Variants in CCSER1 observed in about 807,000 individuals in gnomAD.
CCSER1 encodes the protein serine-rich coiled-coil domain-containing protein 1.
In CCSER1, 41 loss-of-function variants were observed where a neutral mutation model predicts 82.0. That is an observed-to-expected ratio of 0.50 (90% CI 0.39 to 0.65). The LOEUF (loss-of-function observed/expected upper bound fraction) is 0.65. Ranked by LOEUF, CCSER1 falls within the 30% of genes least tolerant of loss-of-function variation. The pLI is 0.00. For synonymous variants in CCSER1, 414 were observed against 383.9 expected (o/e 1.08, Z -0.92); for missense variants, 1,119 against 1,064.2 (o/e 1.05, Z -0.72).
At chr4:90,444,006 G>A (rs948168043) in intron 4 of CCSER1, among the ~76,000 whole-genome samples, 3 of 151,946 alleles carry the variant, frequency 2.0e-5, no homozygotes, top group African/African-American at 7.2e-5. Flanking sequence ...ATTATGTAGG[G>A]TGTAGAATTT....
intron 7 of CCSER1, among the ~76,000 whole-genome samples, chr4:90,770,216 G>T (rs1751863695): frequency 6.6e-6 from 1 of 152,158 alleles, no homozygotes; most frequent in African/African-American, 2.4e-5. Context: ...ACAACCAGAA[G>T]AGACCTTTAG....
chr4:90,207,051 C>T (rs1738992336), intron 1 of CCSER1, among the ~76,000 whole-genome samples: 2 of 151,708 alleles, frequency 1.3e-5, no homozygotes, highest in Non-Finnish European at 2.9e-5. Flanking sequence ...ATTATTCCTC[C>T]ATCCCTTTAT....
At chr4:90,771,561 G>A (rs1667243238) in intron 7 of CCSER1, among the ~76,000 whole-genome samples, 2 of 122,082 alleles carry the variant, frequency 1.6e-5, no homozygotes, top group East Asian at 2.4e-4. Flanking sequence ...AAAATGCCGG[G>A]CACTAAAAAA....
At chr4:90,158,490 A>G (rs1018651192) in intron 1 of CCSER1, among the ~76,000 whole-genome samples, 7 of 152,326 alleles carry the variant, frequency 4.6e-5, no homozygotes, top group African/African-American at 1.4e-4. Context: ...GGTGGAGCCT[A>G]CAGAGGCAGG....
At chr4:90,631,519 T>A (rs1443226532) in intron 6 of CCSER1, among the ~76,000 whole-genome samples, 1 of 152,182 alleles carries the variant, frequency 6.6e-6, no homozygotes, top group Non-Finnish European at 1.5e-5. Flanking sequence ...AATAGTGAGA[T>A]CACAGAAAAT....
intron 3 of CCSER1, among the ~76,000 whole-genome samples, chr4:90,394,314 A>G (rs1190080990): frequency 6.6e-6 from 1 of 152,098 alleles, no homozygotes; most frequent in East Asian, 1.9e-4. Context: ...ATTCATTGTC[A>G]TATCCCTAGA....
intron 10 of CCSER1, among the ~76,000 whole-genome samples, chr4:91,464,627 C>T (rs1414355582): frequency 1.1e-4 from 16 of 152,232 alleles, no homozygotes; most frequent in East Asian, 1.9e-4. Context: ...TGCAGAGACA[C>T]GCATAGGCTC....
intron 5 of CCSER1, among the ~76,000 whole-genome samples, chr4:90,516,914 A>G (rs1396649030): frequency 6.6e-6 from 1 of 152,172 alleles, no homozygotes; most frequent in Non-Finnish European, 1.5e-5. Context: ...TGTAGAGGCA[A>G]TTGCACAAAT....
At chr4:90,790,053 T>G (rs991616101) in intron 7 of CCSER1, among the ~76,000 whole-genome samples, 2 of 152,200 alleles carry the variant, frequency 1.3e-5, no homozygotes, top group African/African-American at 2.4e-5. Flanking sequence ...TTTGCCTCTC[T>G]CTACTCCACC....
intron 8 of CCSER1, chr4:90,838,764 T>C: frequency 8.5e-7 from 1 of 1,183,214 alleles, no homozygotes; most frequent in Middle Eastern, 2.9e-4. Context: ...TCAGTAGTTC[T>C]TTGATGTGAA....
chr4:91,035,676 A>C (rs996074909), intron 9 of CCSER1, among the ~76,000 whole-genome samples: 22 of 152,170 alleles, frequency 1.4e-4, no homozygotes, highest in Non-Finnish European at 2.4e-4. Flanking sequence ...AAATCAAAAC[A>C]AAAAAGCAAA....
intron 6 of CCSER1, among the ~76,000 whole-genome samples, chr4:90,659,562 G>A (rs916785408): frequency 9.9e-5 from 15 of 151,840 alleles, no homozygotes; most frequent in African/African-American, 1.5e-4. Context: ...CATGTATTGT[G>A]GGCTCCAAAA....
intron 10 of CCSER1, among the ~76,000 whole-genome samples, chr4:91,251,181 A>G (rs914473094): frequency 6.6e-6 from 1 of 152,152 alleles, no homozygotes; most frequent in African/African-American, 2.4e-5. Flanking sequence ...TTTATTTTGT[A>G]CAGTTTTGGA....
chr4:90,772,173 C>A (rs1291905522), intron 7 of CCSER1, among the ~76,000 whole-genome samples: 1 of 152,044 alleles, frequency 6.6e-6, no homozygotes, highest in Non-Finnish European at 1.5e-5. Context: ...TAAACACACT[C>A]CCTTATTTCT....
At chr4:90,839,888 A>C (rs1762349699) in intron 8 of CCSER1, among the ~76,000 whole-genome samples, 1 of 152,178 alleles carries the variant, frequency 6.6e-6, no homozygotes, top group African/African-American at 2.4e-5. Context: ...TGATACATGA[A>C]TTGTATATTT....
chr4:90,749,041 A>G lies in CCSER1; in HGVS notation c.2010+25050A>G, dbSNP rs1289564775. On this transcript the variant is annotated intron_variant, in intron 7 of 10. Coordinates refer to ENST00000509176, the MANE Select transcript of CCSER1 (RefSeq NM_001145065.2). ...TGCTGTGCAGAAGCTCTTTAGTTTAATTAGATCCCATTTGTCAATTTTGGC... is the reference window on the plus strand; with the variant it reads ...TGCTGTGCAGAAGCTCTTTAGTTTAGTTAGATCCCATTTGTCAATTTTGGC... Among the ~76,000 whole-genome samples, 7 of 151,788 alleles carry G rather than the reference A, an allele frequency of 4.6e-5. No individual in the cohort carries two copies. In the East Asian group the frequency reaches 9.7e-4, roughly 21 times the overall value.
intron 1 of CCSER1, among the ~76,000 whole-genome samples, chr4:90,304,054 C>T (rs868624286): frequency 1.1e-4 from 17 of 152,100 alleles, no homozygotes; most frequent in African/African-American, 4.1e-4. Context: ...AAAATGCTCA[C>T]CATCACTGGC....
chr4:91,044,600 C>T (rs1742280781), intron 9 of CCSER1, among the ~76,000 whole-genome samples: 1 of 152,182 alleles, frequency 6.6e-6, no homozygotes, highest in Non-Finnish European at 1.5e-5. Context: ...TTCTCATACA[C>T]ATCCATTTCA....
chr4:90,304,804 T>G (rs970746329), intron 1 of CCSER1, among the ~76,000 whole-genome samples: 1 of 151,358 alleles, frequency 6.6e-6, no homozygotes, highest in African/African-American at 2.4e-5. Flanking sequence ...ATAATAATAA[T>G]AAAAAATAAA....
Sources: allele counts gnomAD v4.1 joint callset (sites outside exome capture counted in the v4.1 genomes callset), GRCh38; gene constraint gnomAD v4.1.1; transcripts MANE v1.5; gene names NCBI Gene and HGNC (gene_info 2026-07-23, HGNC 2026-07-21).